The following PLEKHM3 variants were observed in gnomAD, a reference collection of about 807,000 sequenced individuals.
PLEKHM3 encodes the protein pleckstrin homology domain containing M3, also known as pleckstrin homology domain-containing family M member 3.
In PLEKHM3, 45 loss-of-function variants were observed where a neutral mutation model predicts 81.8. The ratio of observed to expected loss-of-function variants is 0.55; its 90% CI spans 0.43 to 0.71. The LOEUF is 0.71. Ranked by LOEUF, PLEKHM3 falls within the 30% of genes least tolerant of loss-of-function variation. The pLI is 0.00. For missense variants in PLEKHM3, 788 were observed against 924.3 expected, an observed-to-expected ratio of 0.85 and a Z score of 1.91; for synonymous variants, 352 against 356.4, an observed-to-expected ratio of 0.99 and a Z score of 0.14.
chr2:207,993,591 G>T (rs540348942), intron 2 of PLEKHM3, among the ~76,000 whole-genome samples: 1 of 151,658 alleles, frequency 6.6e-6, no homozygotes, highest in African/African-American at 2.4e-5. Flanking sequence ...TACTGCCATG[G>T]TTTTTCTAGC....
intron 1 of PLEKHM3, among the ~76,000 whole-genome samples, chr2:208,024,910 T>C (rs1326143042): frequency 6.6e-6 from 1 of 152,242 alleles, no homozygotes; most frequent in Non-Finnish European, 1.5e-5. Flanking sequence ...CTTATCTTGA[T>C]TTTTTAGCTT....
In PLEKHM3 at chr2:207,977,577, T is replaced by A. The variant is rs1691364613; in HGVS notation, c.620A>T (p.Gln207Leu). ...EDAQGNTEHKQTFPNILKKGY... is the reference protein window; with the variant it reads ...EDAQGNTEHKLTFPNILKKGY... ...CTTCTTTAGAATGTTTGGGAATGTC[T>A]GCTTGTGTTCTAGAAAGGAAAAGAG... The change falls in exon 3 of 8, where the codon CAG becomes CTG. Residue 207 changes from glutamine (Q) to leucine (L), a missense_variant. By Grantham distance (113) the Gln-to-Leu change is moderately radical. Coordinates refer to ENST00000427836, the MANE Select transcript of PLEKHM3 (RefSeq NM_001080475.3). 6.2e-7 allele frequency: 1 copy of A among 1,603,016 alleles called. No individual in the cohort carries two copies. Among genetic ancestry groups the A allele is most frequent in the East Asian group, 2.2e-5 (1 of 44,836 alleles).
chr2:207,847,467 G>A (rs989673397), intron 7 of PLEKHM3, among the ~76,000 whole-genome samples: 1 of 152,166 alleles, frequency 6.6e-6, no homozygotes, highest in Admixed American at 6.5e-5. Context: ...CTGAAGAAGG[G>A]TCAAATTCCA....
At chr2:207,991,472 T>C (rs1407095492) in intron 2 of PLEKHM3, among the ~76,000 whole-genome samples, 1 of 152,198 alleles carries the variant, frequency 6.6e-6, no homozygotes, top group African/African-American at 2.4e-5. Context: ...GCCTCTCCCC[T>C]GCCCTGTAAA....
chr2:207,862,529 T>G (rs1035237845), intron 6 of PLEKHM3, among the ~76,000 whole-genome samples: 9 of 151,938 alleles, frequency 5.9e-5, no homozygotes, highest in African/African-American at 1.5e-4. Context: ...TTCCAGCTAC[T>G]CAGGAGGCTG....
chr2:207,889,881 G>T (rs144739502), intron 6 of PLEKHM3, among the ~76,000 whole-genome samples: 1 of 151,998 alleles, frequency 6.6e-6, no homozygotes, highest in East Asian at 1.9e-4. Flanking sequence ...TCGGCTCACC[G>T]CAACCTCTGT....
intron 3 of PLEKHM3, among the ~76,000 whole-genome samples, chr2:207,964,414 G>A (rs2106004640): frequency 6.6e-6 from 1 of 152,282 alleles, no homozygotes; most frequent in Admixed American, 6.5e-5. Flanking sequence ...AGATCCTGGG[G>A]TAGACACACT....
intron 7 of PLEKHM3, among the ~76,000 whole-genome samples, chr2:207,840,158 C>T (rs551099014): frequency 2.2e-4 from 34 of 152,162 alleles, no homozygotes; most frequent in Admixed American, 1.2e-3. Flanking sequence ...CTTTGCAAAA[C>T]GAAAATAGGA....
At chr2:207,874,991 A>G (rs1480775388) in intron 6 of PLEKHM3, among the ~76,000 whole-genome samples, 3 of 152,158 alleles carry the variant, frequency 2.0e-5, no homozygotes, top group African/African-American at 7.2e-5. Flanking sequence ...TTAGAAATTT[A>G]GAATATTAGA....
intron 3 of PLEKHM3, among the ~76,000 whole-genome samples, chr2:207,947,481 C>T (rs772462106): frequency 1.1e-4 from 16 of 152,188 alleles, no homozygotes; most frequent in Non-Finnish European, 2.2e-4. Flanking sequence ...TATGTAAATT[C>T]CATCACAATC....
chr2:207,915,715 T>C (rs756053548), intron 5 of PLEKHM3, among the ~76,000 whole-genome samples: 1 of 152,146 alleles, frequency 6.6e-6, no homozygotes, highest in Non-Finnish European at 1.5e-5. Flanking sequence ...ACTCCACAAT[T>C]TGATTCTAAA....
chr2:208,006,365 A>G (rs559832003), intron 1 of PLEKHM3, among the ~76,000 whole-genome samples: 1 of 152,340 alleles, frequency 6.6e-6, no homozygotes, highest in Admixed American at 6.5e-5. Context: ...AGTGAAGGGA[A>G]TAAGATCAGC....
rs141777166 is a variant in PLEKHM3 at position 207,976,214 on chromosome 2, T to A, written c.1546+437A>T. ...CAAGGTCAAGATCAATGACAGTTACTGACTGTGGCCATTTTCCTTGCCTAA... is the reference window on the plus strand; with the variant it reads ...CAAGGTCAAGATCAATGACAGTTACAGACTGTGGCCATTTTCCTTGCCTAA... On this transcript the variant is annotated intron_variant, in intron 3 of 7. Coordinates refer to ENST00000427836, the MANE Select transcript of PLEKHM3 (RefSeq NM_001080475.3). This position sits in a 1 kb window ranked among gnomAD's most constrained non-coding sequence, Gnocchi z 4.1. Among the ~76,000 whole-genome samples the A allele has an allele frequency of 8.0e-4, 122 of 152,388 alleles. No individual in the cohort carries two copies. Among genetic ancestry groups the A allele is most frequent in the Non-Finnish European group, 1.6e-3 (107 of 68,034 alleles).
Position 207,991,869 on chromosome 2 carries a change from T to C in PLEKHM3, c.610+9161A>G, listed in dbSNP as rs75833796. Among the ~76,000 whole-genome samples the C allele has an allele frequency of 6.8e-3, 1,038 of 152,332 alleles. 7 individuals carry two copies. The highest frequency in any genetic ancestry group is 0.024 in the Middle Eastern group (7 of 294). The stretch of plus-strand genomic sequence containing the variant: ...CCCTGGGTATCCTGTGAAGTGTTTA[T>C]TGCATAAGTCCTCGACATTCACTAA... On this transcript the variant is annotated intron_variant, in intron 2 of 7. Coordinates refer to ENST00000427836, the MANE Select transcript of PLEKHM3 (RefSeq NM_001080475.3).
chr2:207,861,736 G>A (rs976231482), intron 6 of PLEKHM3, among the ~76,000 whole-genome samples: 14 of 152,246 alleles, frequency 9.2e-5, no homozygotes, highest in Admixed American at 9.2e-4. Flanking sequence ...AGTAAATGGG[G>A]AAAAATAGGT....
At chr2:207,885,233 G>C (rs1360958166) in intron 6 of PLEKHM3, among the ~76,000 whole-genome samples, 1 of 152,166 alleles carries the variant, frequency 6.6e-6, no homozygotes, top group Non-Finnish European at 1.5e-5. Context: ...CTGTTGCTCT[G>C]GGTTTATTGG....
chr2:208,015,051 A>G (rs1203624822), intron 1 of PLEKHM3, among the ~76,000 whole-genome samples: 1 of 152,260 alleles, frequency 6.6e-6, no homozygotes, highest in Non-Finnish European at 1.5e-5. Flanking sequence ...TTAAAAAGTT[A>G]TAGCTAATAT....
chr2:208,005,195 C>G (rs1692458398), intron 1 of PLEKHM3, among the ~76,000 whole-genome samples: 1 of 152,166 alleles, frequency 6.6e-6, no homozygotes, highest in Non-Finnish European at 1.5e-5. Flanking sequence ...TGCTCAGTTT[C>G]CTCTATGTAA....
At chr2:208,010,819 A>G (rs780030219) in intron 1 of PLEKHM3, among the ~76,000 whole-genome samples, 2 of 152,204 alleles carry the variant, frequency 1.3e-5, no homozygotes, top group Non-Finnish European at 2.9e-5. Context: ...TCTAAATTCA[A>G]TACAGGACTG....
Sources: allele counts gnomAD v4.1 joint callset (sites outside exome capture counted in the v4.1 genomes callset), GRCh38; gene constraint gnomAD v4.1.1; non-coding constraint Gnocchi (gnomAD v3.1); transcripts MANE v1.5; gene names NCBI Gene and HGNC (gene_info 2026-07-23, HGNC 2026-07-21).